Variants in ZNF536 observed in about 807,000 individuals in gnomAD.
ZNF536 encodes the protein zinc finger protein 536.
ZNF536 carries 13 observed loss-of-function variants against 84.5 expected under a neutral mutation model. The observed-to-expected ratio is 0.15, with a 90% CI of 0.10 to 0.24. ZNF536 has a LOEUF of 0.24. ZNF536 is among the 10% of genes least tolerant of loss of function. ZNF536 has a pLI of 1.00. For synonymous variants in ZNF536, 811 were observed against 742.5 expected, an observed-to-expected ratio of 1.09 and a Z score of -1.50; for missense variants, 1,536 against 1,747.5, an observed-to-expected ratio of 0.88 and a Z score of 2.16.
chr19:30,484,215 C>G (rs548168501), intron 2 of ZNF536, among the ~76,000 whole-genome samples: 1 of 150,110 alleles, frequency 6.7e-6, no homozygotes, highest in Non-Finnish European at 1.5e-5. Flanking sequence ...GGGGTGTTTT[C>G]TCTCATTTTG....
chr19:30,700,189 C>CTTCTTTCTTTTCTTTCG (rs2051851706), intron 1 of ZNF536, among the ~76,000 whole-genome samples: 1 of 121,280 alleles, frequency 8.2e-6, no homozygotes, highest in African/African-American at 3.4e-5. Flanking sequence ...CTTTTCTTTC[C>CTTCTTTCTTTTCTTTCG]TTCTTTCTTT....
upstream of ZNF536, among the ~76,000 whole-genome samples, chr19:30,372,254 C>G (rs1349384716): frequency 6.6e-6 from 1 of 152,194 alleles, no homozygotes; most frequent in Non-Finnish European, 1.5e-5. Context: ...TGAGCAGAGG[C>G]AGTTAGTAGC....
chr19:30,570,674 T>A (rs1331739657), intron 1 of ZNF536, among the ~76,000 whole-genome samples: 1 of 152,020 alleles, frequency 6.6e-6, no homozygotes, highest in Non-Finnish European at 1.5e-5. Context: ...AGTCAGAACA[T>A]AATTGTATCT....
intron 2 of ZNF536, among the ~76,000 whole-genome samples, chr19:30,449,870 T>C (rs1028973469): frequency 5.3e-5 from 8 of 152,198 alleles, no homozygotes; most frequent in Admixed American, 3.9e-4. Context: ...GGCCTTTATC[T>C]GGGGCGCTTT....
chr19:30,284,516 A>G (rs1029953117), intron 2 of ZNF536, among the ~76,000 whole-genome samples: 2 of 152,226 alleles, frequency 1.3e-5, no homozygotes, highest in Non-Finnish European at 2.9e-5. Context: ...CGGGCTCCCC[A>G]TCACTCACCA....
intron 1 of ZNF536, among the ~76,000 whole-genome samples, chr19:30,630,870 G>C (rs2048862544): frequency 6.6e-6 from 1 of 152,204 alleles, no homozygotes; most frequent in African/African-American, 2.4e-5. Flanking sequence ...CACATTTATT[G>C]AGACCTTCTG....
intron 1 of ZNF536, among the ~76,000 whole-genome samples, chr19:30,598,995 CCCTTCCTCCTTCCCTCTTCCTT>C (rs2047571285): frequency 1.2e-5 from 1 of 83,842 alleles, no homozygotes; most frequent in Non-Finnish European, 2.3e-5. Flanking sequence ...CTTCCTTCCT[CCCTTCCTCCTTCCCTCTTCCTT>C]CCTCCCTCCC....
At chr19:30,415,299 T>TCTC (rs2050677725) in intron 1 of ZNF536, among the ~76,000 whole-genome samples, 2 of 142,778 alleles carry the variant, frequency 1.4e-5, no homozygotes, top group African/African-American at 2.6e-5. Context: ...TTCTTCTTCT[T>TCTC]CTTCTTCTCC....
chr19:30,541,373 G>C (rs979351036), intron 3 of ZNF536, among the ~76,000 whole-genome samples: 2 of 151,020 alleles, frequency 1.3e-5, no homozygotes. Context: ...CCGTTAGTGG[G>C]GGACCAACCA....
intron 2 of ZNF536, among the ~76,000 whole-genome samples, chr19:30,307,852 C>T (rs1195578293): frequency 2.0e-5 from 3 of 152,164 alleles, no homozygotes; most frequent in Admixed American, 6.5e-5. Flanking sequence ...GCTCTTCTTA[C>T]CCAGAAAGCA....
intron 1 of ZNF536, among the ~76,000 whole-genome samples, chr19:30,230,008 G>C (rs10409112): frequency 6.6e-6 from 1 of 152,066 alleles, no homozygotes; most frequent in East Asian, 1.9e-4. Context: ...TCAAACTTAA[G>C]TGCGATTGTG....
At chr19:30,683,069 T>G (rs1051449353) in intron 1 of ZNF536, among the ~76,000 whole-genome samples, 10 of 152,076 alleles carry the variant, frequency 6.6e-5, no homozygotes, top group Middle Eastern at 3.2e-3. Context: ...CAACTTGCCC[T>G]CTCATTCAAT....
chr19:30,706,781 C>G (rs1363583298), intron 1 of ZNF536, among the ~76,000 whole-genome samples: 1 of 152,204 alleles, frequency 6.6e-6, no homozygotes, highest in Non-Finnish European at 1.5e-5. Flanking sequence ...AAATGAATGA[C>G]TTAGCCCTAG....
chr19:30,547,910 G>A (rs747331524), intron 3 of ZNF536, 33 bp from the exon 4 acceptor site: 83 of 1,510,822 alleles, frequency 5.5e-5, no homozygotes, highest in Non-Finnish European at 6.7e-5. Context: ...TGAGATAAAC[G>A]CCTCTTTTTT....
In ZNF536 at chr19:30,357,061, G is replaced by A. The variant is rs140963861; in HGVS notation, c.-3+4577G>A. 3.9e-3 allele frequency among the ~76,000 whole-genome samples: 597 copies of A among 152,360 alleles called. 16 individuals carry two copies. Among genetic ancestry groups the A allele is most frequent in the Admixed American group, 0.036 (555 of 15,308 alleles). On this transcript the variant is annotated intron_variant, in intron 3 of 5. Coordinates refer to the ZNF536 transcript ENST00000585628. Reference sequence around the variant, plus strand: ...TCCTCAGAGGACTGATAATATGGGCGTTGAGGGTGGGGAGCAGTAAACAAG... The same window carrying A: ...TCCTCAGAGGACTGATAATATGGGCATTGAGGGTGGGGAGCAGTAAACAAG...
intron 1 of ZNF536, among the ~76,000 whole-genome samples, chr19:30,664,212 CTCTCT>C (rs2050229324): frequency 1.2e-4 from 1 of 8,410 alleles, no homozygotes; most frequent in Non-Finnish European, 2.1e-4. Context: ...TTTTCTCTCT[CTCTCT>C]CTCTCTCTCT....
At chr19:30,461,836 G>A (rs555374203) in intron 2 of ZNF536, among the ~76,000 whole-genome samples, 45 of 152,320 alleles carry the variant, frequency 3.0e-4, no homozygotes, top group African/African-American at 1.1e-3. Flanking sequence ...GTGGCTGGTG[G>A]GAGAAGGGGC....
rs1326529809 is a variant in ZNF536, at chr19:30,357,761, G to A, written c.-3+5277G>A. Among the ~76,000 whole-genome samples the A allele has an allele frequency of 2.6e-5, 4 of 151,950 alleles. No homozygotes were observed. The East Asian group carries it at 5.8e-4, about 22-fold the overall frequency. ...AGGCCTGAGCCTCCCAGCTGTGGGC[G>A]CCTGGGGAGAGTGACAGGCAGAGGG... On this transcript the variant is annotated intron_variant, in intron 3 of 5. Transcript: ENST00000585628.
chr19:30,587,442 A>C (rs1052782463), intron 1 of ZNF536, among the ~76,000 whole-genome samples: 1 of 152,196 alleles, frequency 6.6e-6, no homozygotes, highest in African/African-American at 2.4e-5. Flanking sequence ...TAATTATGGC[A>C]AGCATGGTCT....
Sources: gnomAD v4.1 joint callset for allele counts (sites outside exome capture counted in the v4.1 genomes callset) on GRCh38, gnomAD v4.1.1 for gene constraint, MANE v1.5 for transcripts, NCBI Gene and HGNC (gene_info 2026-07-23, HGNC 2026-07-21) for gene names.